ZNF33A: variants seen among roughly 807,000 people sequenced by gnomAD.
The protein encoded by ZNF33A is zinc finger protein 33A.
In ZNF33A, 9 loss-of-function variants were observed where a neutral mutation model predicts 15.9. The observed-to-expected ratio is 0.57, with a 90% CI of 0.34 to 0.99. The LOEUF (loss-of-function observed/expected upper bound fraction) is 0.99, where lower values mean the gene tolerates loss of function less well. Ranked by LOEUF, ZNF33A falls within the 50% of genes least tolerant of loss-of-function variation. ZNF33A has a pLI of 0.02. For missense variants in ZNF33A, 843 were observed against 941.6 expected, an observed-to-expected ratio of 0.90 and a Z score of 1.37; for synonymous variants, 294 against 324.2, an observed-to-expected ratio of 0.91 and a Z score of 1.00.
intron 4 of ZNF33A, among the ~76,000 whole-genome samples, chr10:38,048,697 G>A (rs2066065652): frequency 1.3e-5 from 2 of 152,026 alleles, no homozygotes; most frequent in African/African-American, 2.4e-5. Flanking sequence ...TTTTCATATC[G>A]ATAGAGATCC....
chr10:38,022,605 C>T (rs2064801675), intron 4 of ZNF33A, among the ~76,000 whole-genome samples: 2 of 140,716 alleles, frequency 1.4e-5, no homozygotes, highest in South Asian at 4.6e-4. Context: ...TTTCAGTGAG[C>T]TGATACTGCT....
At position 38,010,993 on chromosome 10, in the gene ZNF33A, G is replaced by A. The variant is rs187522231; in HGVS notation, c.-45+210G>A. Among the ~76,000 whole-genome samples, 59 of 152,316 alleles carry A rather than the reference G, an allele frequency of 3.9e-4. 1 individual carries two copies. In the East Asian group the frequency reaches 9.5e-3, roughly 25 times the overall value. On this transcript the variant is annotated intron_variant, in intron 1 of 4. Transcript: ENST00000432900. ...GTACGGAGCAGGGTACGCAGCGTGT[G>A]TCGCCCCATTTGTGGGGGCCGCGGA...
chr10:38,047,208 AAAAAAG>A, intron 4 of ZNF33A, among the ~76,000 whole-genome samples: 2 of 145,206 alleles, frequency 1.4e-5, no homozygotes, highest in African/African-American at 2.5e-5. Context: ...AAAAAAAAAA[AAAAAAG>A]AATAACACAT....
At chr10:38,049,821 T>A (rs1474812829) in intron 4 of ZNF33A, among the ~76,000 whole-genome samples, 2 of 152,212 alleles carry the variant, frequency 1.3e-5, no homozygotes, top group East Asian at 3.9e-4. Context: ...AAAAGCTGTT[T>A]CATTGAGAAG....
chr10:38,026,688 G>A (rs2065006391), intron 4 of ZNF33A, among the ~76,000 whole-genome samples: 1 of 152,156 alleles, frequency 6.6e-6, no homozygotes, highest in Non-Finnish European at 1.5e-5. Context: ...GAATCCATCA[G>A]CAAACCCAAA....
At chr10:38,034,161 T>C (rs2065338710) in intron 4 of ZNF33A, among the ~76,000 whole-genome samples, 1 of 152,244 alleles carries the variant, frequency 6.6e-6, no homozygotes, top group Non-Finnish European at 1.5e-5. Flanking sequence ...CGTTAACATA[T>C]TAAGATGGTA....
chr10:38,063,072 G>T (rs938407954), downstream of ZNF33A, among the ~76,000 whole-genome samples: 1 of 145,422 alleles, frequency 6.9e-6, no homozygotes, highest in African/African-American at 2.6e-5. Context: ...GAAGTAAACA[G>T]TGAGTTTGGA....
intron 4 of ZNF33A, among the ~76,000 whole-genome samples, chr10:38,045,005 G>A (rs2135714184): frequency 6.6e-6 from 1 of 152,308 alleles, no homozygotes; most frequent in Non-Finnish European, 1.5e-5. Context: ...GGTCAGCTAA[G>A]TCTGATAGCT....
downstream of ZNF33A, chr10:38,065,125 C>A (rs566687845): frequency 1.4e-4 from 21 of 152,862 alleles, no homozygotes; most frequent in East Asian, 4.0e-3. Flanking sequence ...GGCTGGAGTA[C>A]AATGGTGCGA....
chr10:38,021,322 CACAAA>C (rs989166518), intron 4 of ZNF33A, among the ~76,000 whole-genome samples: 6 of 152,078 alleles, frequency 3.9e-5, no homozygotes, highest in Non-Finnish European at 7.3e-5. Context: ...CCTCAAAGTA[CACAAA>C]ACAAAACTGA....
intron 4 of ZNF33A, among the ~76,000 whole-genome samples, chr10:38,031,616 A>G (rs1430687697): frequency 2.0e-5 from 3 of 151,982 alleles, no homozygotes; most frequent in African/African-American, 7.2e-5. Context: ...GTCTCCAAAT[A>G]AAAAGTTTTG....
At position 38,058,309 on chromosome 10, in the gene ZNF33A, A is replaced by G. The variant is rs1396790353; in HGVS notation, c.*1749A>G. On this transcript the variant is annotated 3_prime_UTR_variant, in exon 5 of 5. Transcript: ENST00000432900. The stretch of plus-strand genomic sequence containing the variant: ...GAAAGAGGCCATCACAGCTAATCCT[A>G]TGGTCACCAAAAGGATTAGAAAGAA... 1 of 152,694 alleles carries G rather than the reference A, an allele frequency of 6.5e-6. No homozygotes were observed. Among genetic ancestry groups the G allele is most frequent in the Non-Finnish European group, 1.5e-5 (1 of 68,530 alleles). The allele number at this position is 152,694 out of a possible 1,614,324, so 9.5% of individuals were successfully genotyped here.
chr10:38,021,971 A>G (rs1191116258), intron 4 of ZNF33A, among the ~76,000 whole-genome samples: 1 of 152,206 alleles, frequency 6.6e-6, no homozygotes, highest in African/African-American at 2.4e-5. Context: ...GTATCAATAT[A>G]TGTGGGAGGT....
At chr10:38,049,835 G>A (rs2066118340) in intron 4 of ZNF33A, among the ~76,000 whole-genome samples, 1 of 152,002 alleles carries the variant, frequency 6.6e-6, no homozygotes. Context: ...TGAGAAGATC[G>A]ATAAAATGGA....
intron 2 of ZNF33A, among the ~76,000 whole-genome samples, chr10:38,013,919 C>T (rs1039000106): frequency 1.3e-5 from 2 of 152,070 alleles, no homozygotes; most frequent in African/African-American, 4.8e-5. Flanking sequence ...ATCCTGACAC[C>T]TCCCTGCTCA....
chr10:38,033,563 A>G (rs1399549162), intron 4 of ZNF33A, among the ~76,000 whole-genome samples: 2 of 152,148 alleles, frequency 1.3e-5, no homozygotes, highest in Non-Finnish European at 2.9e-5. Flanking sequence ...ATACTTTACA[A>G]TCCTGCCAGC....
intron 4 of ZNF33A, among the ~76,000 whole-genome samples, chr10:38,035,565 C>T (rs1368297615): frequency 2.0e-5 from 3 of 152,198 alleles, no homozygotes; most frequent in Non-Finnish European, 4.4e-5. Flanking sequence ...GTCTCACAGA[C>T]TTCTCTTTCC....
At chr10:38,011,168 C>A (rs2064165325) in intron 1 of ZNF33A, among the ~76,000 whole-genome samples, 1 of 152,246 alleles carries the variant, frequency 6.6e-6, no homozygotes, top group African/African-American at 2.4e-5. Context: ...GACTCGGTTG[C>A]ACGTATTGCA....
intron 1 of ZNF33A, among the ~76,000 whole-genome samples, chr10:38,011,102 G>A (rs1366415725): frequency 6.6e-6 from 1 of 152,348 alleles, no homozygotes; most frequent in South Asian, 2.1e-4. Flanking sequence ...GCGTGTGCTA[G>A]GGCGCCGCGG....
Sources: gnomAD v4.1 joint callset for allele counts (sites outside exome capture counted in the v4.1 genomes callset) on GRCh38, gnomAD v4.1.1 for gene constraint, MANE v1.5 for transcripts, NCBI Gene and HGNC (gene_info 2026-07-23, HGNC 2026-07-21) for gene names.